The following BRD10 variants were observed in gnomAD, a reference collection of about 807,000 sequenced individuals.
BRD10 encodes bromodomain containing 10.
At chr9:5,950,219 G>C in the BRD10 span, among the ~76,000 whole-genome samples, 3 of 152,146 alleles carry the variant, frequency 2.0e-5, no homozygotes, top group African/African-American at 4.8e-5. Flanking sequence ...TAAGTAAATG[G>C]AAAGAGTGCT....
chr9:5,987,926 A>G, the BRD10 span, among the ~76,000 whole-genome samples: 2 of 152,204 alleles, frequency 1.3e-5, no homozygotes, highest in Non-Finnish European at 2.9e-5. Context: ...GAGTAAGCAC[A>G]GTTATCCAGG....
the BRD10 span, chr9:6,007,539 G>A: frequency 3.7e-6 from 6 of 1,613,108 alleles, no homozygotes; most frequent in East Asian, 2.2e-5. Flanking sequence ...CCAGGATGCG[G>A]TAGCCCTGCT....
the BRD10 span, among the ~76,000 whole-genome samples, chr9:5,932,859 G>C: frequency 3.3e-5 from 5 of 151,970 alleles, no homozygotes; most frequent in African/African-American, 1.2e-4. Flanking sequence ...TTACATGTAG[G>C]TATCTCTGTA....
chr9:5,994,905 T>C, the BRD10 span, among the ~76,000 whole-genome samples: 51 of 104,902 alleles, frequency 4.9e-4, no homozygotes, highest in Non-Finnish European at 9.1e-4. Context: ...ATTTTTCTTT[T>C]TTTTTTTTTT....
At chr9:5,928,092 T>C in the BRD10 span, among the ~76,000 whole-genome samples, 3 of 152,182 alleles carry the variant, frequency 2.0e-5, no homozygotes, top group Non-Finnish European at 4.4e-5. Context: ...TCTCAGTTAA[T>C]GGCAATTCCA....
At chr9:5,942,438 C>T in the BRD10 span, among the ~76,000 whole-genome samples, 1 of 152,044 alleles carries the variant, frequency 6.6e-6, no homozygotes, top group African/African-American at 2.4e-5. Flanking sequence ...CATAACATAA[C>T]GTAACATACA....
chr9:5,959,013 C>T, the BRD10 span, among the ~76,000 whole-genome samples: 1 of 152,138 alleles, frequency 6.6e-6, no homozygotes, highest in Non-Finnish European at 1.5e-5. Flanking sequence ...TACCTATAAG[C>T]AAATTTCTTA....
chr9:5,922,007 G>A, the BRD10 span: 14 of 1,614,014 alleles, frequency 8.7e-6, no homozygotes, highest in Non-Finnish European at 1.2e-5. Context: ...AAAAGCAGAG[G>A]AAGAAGTTGT....
At chr9:5,978,193 C>T in the BRD10 span, among the ~76,000 whole-genome samples, 1 of 151,868 alleles carries the variant, frequency 6.6e-6, no homozygotes, top group Non-Finnish European at 1.5e-5. Context: ...CTGTGAAATA[C>T]TAATAGAAGC....
chr9:6,006,599 G>A, the BRD10 span, among the ~76,000 whole-genome samples: 1 of 152,186 alleles, frequency 6.6e-6, no homozygotes, highest in African/African-American at 2.4e-5. Context: ...TTTAAAAAAT[G>A]TGTGTTGATG....
the BRD10 span, among the ~76,000 whole-genome samples, chr9:5,964,156 T>A: frequency 4.0e-5 from 6 of 150,452 alleles, no homozygotes; most frequent in South Asian, 1.3e-3. Context: ...AACCTACTCA[T>A]CTGACAAAGG....
chr9:5,956,342 T>C, the BRD10 span, among the ~76,000 whole-genome samples: 1 of 152,106 alleles, frequency 6.6e-6, no homozygotes, highest in African/African-American at 2.4e-5. Context: ...TAAATGTTAT[T>C]AGGAAATTGG....
At chr9:5,972,656 C>T in the BRD10 span, among the ~76,000 whole-genome samples, 1 of 152,144 alleles carries the variant, frequency 6.6e-6, no homozygotes, top group Non-Finnish European at 1.5e-5. Context: ...ATGTTGGCTC[C>T]CCTTCACCTT....
the BRD10 span, chr9:5,968,910 G>C: frequency 6.2e-7 from 1 of 1,612,690 alleles, no homozygotes; most frequent in Non-Finnish European, 8.5e-7. Context: ...ACTTCCTTTT[G>C]TGTTTCATAC....
chr9:5,908,688 C>T, the BRD10 span: 5 of 1,614,048 alleles, frequency 3.1e-6, no homozygotes, highest in Admixed American at 1.7e-5. Context: ...AGAACAGTCA[C>T]CACCACCTTA....
At chr9:5,915,368 T>C in the BRD10 span, among the ~76,000 whole-genome samples, 1 of 152,194 alleles carries the variant, frequency 6.6e-6, no homozygotes, top group Non-Finnish European at 1.5e-5. Context: ...GTACTTTAGG[T>C]AAATTATCTC....
the BRD10 span, among the ~76,000 whole-genome samples, chr9:5,892,015 CCAA>C: frequency 6.6e-6 from 1 of 152,160 alleles, no homozygotes; most frequent in South Asian, 2.1e-4. Flanking sequence ...GGATTGATAT[CCAA>C]CAATAACTTT....
At chr9:5,951,228 G>C in the BRD10 span, among the ~76,000 whole-genome samples, 1 of 151,868 alleles carries the variant, frequency 6.6e-6, no homozygotes, top group South Asian at 2.1e-4. Flanking sequence ...AAGCAAATAG[G>C]GGGGCAAGTT....
At chr9:6,003,304 A>C in the BRD10 span, among the ~76,000 whole-genome samples, 3 of 152,222 alleles carry the variant, frequency 2.0e-5, no homozygotes, top group Non-Finnish European at 2.9e-5. Flanking sequence ...CAATATTCTT[A>C]AAGTTTTCAA....
Sources: gnomAD v4.1 joint callset for allele counts (sites outside exome capture counted in the v4.1 genomes callset) on GRCh38, gnomAD v4.1.1 for gene constraint, MANE v1.5 for transcripts, NCBI Gene and HGNC (gene_info 2026-07-23, HGNC 2026-07-21) for gene names.